Variants in NLGN4X observed in about 807,000 individuals in gnomAD.
NLGN4X encodes neuroligin 4 X-linked.
A neutral mutation model predicts 40.3 loss-of-function variants in NLGN4X; 3 were observed. The ratio of observed to expected loss-of-function variants is 0.07; its 90% CI spans 0.03 to 0.19. The LOEUF is 0.19. Among genes scored for constraint, NLGN4X ranks in the 10% least tolerant of loss-of-function variants. NLGN4X has a pLI of 1.00. For missense variants in NLGN4X, 382 were observed against 708.3 expected (o/e 0.54, Z 5.23); for synonymous variants, 270 against 306.8 (o/e 0.88, Z 1.25).
intron 3 of NLGN4X, among the ~76,000 whole-genome samples, chrX:6,012,234 G>A (rs1430991361): frequency 8.9e-6 from 1 of 112,553 alleles, no homozygotes; most frequent in East Asian, 2.8e-4. Context: ...GCGTATTGCT[G>A]GAGCAAAAGC....
At chrX:5,993,531 A>AAGCAGGGC (rs1369379183) in intron 3 of NLGN4X, among the ~76,000 whole-genome samples, 1 of 111,846 alleles carries the variant, frequency 8.9e-6, no homozygotes, top group Non-Finnish European at 1.9e-5. Context: ...TTACATTGCC[A>AAGCAGGGC]AGCAGGGCAC....
chrX:6,187,795 G>A (rs774790093), intron 1 of NLGN4X: 8 of 111,984 alleles, frequency 7.1e-5, no homozygotes, highest in African/African-American at 2.6e-4. Context: ...GGTCCCTGGT[G>A]AGAGAGGAAT....
At chrX:5,917,005 C>T (rs192699847) in intron 3 of NLGN4X, among the ~76,000 whole-genome samples, 1 of 112,370 alleles carries the variant, frequency 8.9e-6, no homozygotes, top group African/African-American at 3.2e-5. Context: ...AAGGGATGCC[C>T]TACTTATGTT....
intron 2 of NLGN4X, among the ~76,000 whole-genome samples, chrX:6,075,047 A>T (rs997167588): frequency 9.0e-6 from 1 of 111,663 alleles, no homozygotes; most frequent in Non-Finnish European, 1.9e-5. Context: ...AGCAAAGAGA[A>T]CTCTAGAAGC....
chrX:6,116,402 T>C, intron 2 of NLGN4X, among the ~76,000 whole-genome samples: 1 of 14,674 alleles, frequency 6.8e-5, no homozygotes, highest in African/African-American at 3.1e-4. Flanking sequence ...TTTTTTTTTT[T>C]TTTTTTTTTT....
chrX:6,021,337 G>A lies in NLGN4X; in HGVS notation c.625+7943C>T, dbSNP rs771570080. On this transcript the variant is annotated intron_variant, in intron 3 of 5. Coordinates refer to ENST00000381095, the MANE Select transcript of NLGN4X (RefSeq NM_181332.3). ...GACGAGGGAGCCTCTTTGCTCTGCT[G>A]TTCCCATCAACTATTACATCAATGG... is the stretch of plus-strand genomic sequence containing the variant. 1.1e-3 allele frequency among the ~76,000 whole-genome samples: 126 copies of A among 109,873 alleles called. 1 individual carries two copies. Among genetic ancestry groups the A allele is most frequent in the African/African-American group, 4.0e-3 (122 of 30,194 alleles).
intron 3 of NLGN4X, among the ~76,000 whole-genome samples, chrX:5,996,164 T>C (rs912028727): frequency 9.8e-5 from 11 of 112,001 alleles, no homozygotes; most frequent in Admixed American, 9.5e-4. Context: ...TCCAGCTTAG[T>C]CATTCAAAGC....
chrX:5,997,602 A>G (rs1436125043), intron 3 of NLGN4X, among the ~76,000 whole-genome samples: 222 of 16,569 alleles, frequency 0.013, no homozygotes, highest in African/African-American at 0.047. Context: ...ATATATACAC[A>G]TATATATATA....
chrX:5,965,286 C>T (rs150141712), intron 3 of NLGN4X, among the ~76,000 whole-genome samples: 7,554 of 111,509 alleles, frequency 0.068, 632 homozygotes, highest in African/African-American at 0.23. Context: ...TTTGGAGTTA[C>T]TCTAAAGGCC....
intron 3 of NLGN4X, among the ~76,000 whole-genome samples, chrX:5,948,405 G>T (rs1044979194): frequency 8.9e-6 from 1 of 112,060 alleles, no homozygotes; most frequent in Non-Finnish European, 1.9e-5. Context: ...AATAACATAC[G>T]CCAGTGAACT....
intron 5 of NLGN4X, among the ~76,000 whole-genome samples, chrX:5,900,059 G>C (rs1464690966): frequency 8.9e-6 from 1 of 112,365 alleles, no homozygotes; most frequent in Admixed American, 9.4e-5. Flanking sequence ...GAAATTCTCT[G>C]CAAGGGCAGA....
chrX:6,105,470 A>C (rs1444184697), intron 2 of NLGN4X, among the ~76,000 whole-genome samples: 1 of 112,606 alleles, frequency 8.9e-6, no homozygotes, highest in Non-Finnish European at 1.9e-5. Context: ...TTTAAAATAT[A>C]CTAAGAAATT....
chrX:6,063,859 A>G (rs1306440271), intron 2 of NLGN4X, among the ~76,000 whole-genome samples: 1 of 112,030 alleles, frequency 8.9e-6, no homozygotes, highest in African/African-American at 3.2e-5. Flanking sequence ...CAAAATACAA[A>G]AATACTAGGA....
chrX:5,993,076 C>G (rs943156270), intron 3 of NLGN4X, among the ~76,000 whole-genome samples: 4 of 111,230 alleles, frequency 3.6e-5, no homozygotes, highest in Non-Finnish European at 7.5e-5. Flanking sequence ...TAAGTATCCC[C>G]ATATTCTAAA....
At chrX:6,016,253 CTTTTT>C (rs1055677842) in intron 3 of NLGN4X, among the ~76,000 whole-genome samples, 16 of 111,993 alleles carry the variant, frequency 1.4e-4, no homozygotes, top group African/African-American at 4.9e-4. Context: ...ACAACCTCTT[CTTTTT>C]TATTTTCTTT....
intron 2 of NLGN4X, among the ~76,000 whole-genome samples, chrX:6,143,404 G>A (rs1350350107): frequency 8.0e-5 from 9 of 112,199 alleles, no homozygotes; most frequent in Non-Finnish European, 1.7e-4. Context: ...GAAGGAGTGG[G>A]GAACACAGAG....
chrX:6,079,873 T>A (rs145234652), intron 2 of NLGN4X, among the ~76,000 whole-genome samples: 3 of 111,371 alleles, frequency 2.7e-5, no homozygotes, highest in Non-Finnish European at 5.7e-5. Flanking sequence ...AGGTCTCTGT[T>A]CTAAATTTTC....
intron 3 of NLGN4X, among the ~76,000 whole-genome samples, chrX:5,917,083 C>T (rs2032835894): frequency 1.8e-5 from 2 of 112,463 alleles, no homozygotes; most frequent in Admixed American, 1.9e-4. Flanking sequence ...TTTTGATATG[C>T]TTGCCTTTTT....
At chrX:6,049,699 T>A (rs2037427673) in intron 2 of NLGN4X, among the ~76,000 whole-genome samples, 1 of 79,532 alleles carries the variant, frequency 1.3e-5, no homozygotes, top group Admixed American at 1.7e-4. Flanking sequence ...GAAAGTAAAA[T>A]TATGCCTTCT....
Sources: gnomAD v4.1 joint callset for allele counts (sites outside exome capture counted in the v4.1 genomes callset) on GRCh38, gnomAD v4.1.1 for gene constraint, MANE v1.5 for transcripts, NCBI Gene and HGNC (gene_info 2026-07-23, HGNC 2026-07-21) for gene names.